Variants in LRRC9 observed in about 807,000 individuals in gnomAD.
LRRC9 encodes leucine-rich repeat-containing protein 9.
A neutral mutation model predicts 63.2 loss-of-function variants in LRRC9; 122 were observed. That is an observed-to-expected ratio of 1.93 (90% CI 1.67 to 2.24). The LOEUF is 2.24. LRRC9 is among the 30% of genes most tolerant of loss of function. The probability of loss-of-function intolerance (pLI) is 0.00; values close to 1 mark genes in which losing one functional copy is unlikely to be tolerated. For synonymous variants in LRRC9, 366 were observed against 213.1 expected, an observed-to-expected ratio of 1.72 and a Z score of -6.25; for missense variants, 1,071 against 627.7, an observed-to-expected ratio of 1.71 and a Z score of -7.55.
At chr14:60,001,749 A>T (rs561220373) in intron 19 of LRRC9, among the ~76,000 whole-genome samples, 1 of 152,282 alleles carries the variant, frequency 6.6e-6, no homozygotes, top group Non-Finnish European at 1.5e-5. Flanking sequence ...CAGTCTTATA[A>T]ATATTATCTT....
At position 59,965,401 on chromosome 14, in the gene LRRC9, G is replaced by T. The variant is rs564534429; in HGVS notation, c.1212-1188G>T. ...TTTCAGTTTAGAAATTTTATTTCTG[G>T]CTTTACTTGTTTAGGCTTCATTAGA... On this transcript the variant is annotated intron_variant, in intron 10 of 31. Coordinates refer to ENST00000445360, the Ensembl canonical transcript of LRRC9. Among the ~76,000 whole-genome samples, 27 of 152,128 alleles carry T rather than the reference G, an allele frequency of 1.8e-4. No homozygotes were observed. The South Asian group carries it at 5.4e-3, about 30-fold the overall frequency.
At chr14:59,944,458 T>C (rs187177324) in intron 7 of LRRC9, 131 bp from the exon 8 acceptor site, 9 of 407,368 alleles carry the variant, frequency 2.2e-5, no homozygotes, top group East Asian at 3.6e-5. Context: ...CCAGCTGTCA[T>C]CATTATTAGT....
intron 17 of LRRC9, among the ~76,000 whole-genome samples, chr14:59,992,710 G>A (rs1006241640): frequency 5.3e-5 from 8 of 152,152 alleles, no homozygotes; most frequent in Non-Finnish European, 1.0e-4. Flanking sequence ...GGGTACCAGT[G>A]ATGGAAAATC....
downstream of LRRC9, among the ~76,000 whole-genome samples, chr14:60,064,531 T>A (rs967521787): frequency 6.6e-6 from 1 of 152,236 alleles, no homozygotes; most frequent in African/African-American, 2.4e-5. Context: ...TTAAATGCTG[T>A]ATGTCTTTAC....
Position 59,953,838 on chromosome 14 carries a change from T to A in LRRC9, c.883-5980T>A, listed in dbSNP as rs371915929. Among the ~76,000 whole-genome samples, 22 of 152,238 alleles carry A rather than the reference T, an allele frequency of 1.4e-4. No individual in the cohort carries two copies. The East Asian group carries it at 3.7e-3, about 25-fold the overall frequency. On this transcript the variant is annotated intron_variant, in intron 8 of 31. Coordinates refer to ENST00000445360, the Ensembl canonical transcript of LRRC9. ...GATTCATCTTGAGTTACATTTTGTA[T>A]AAGGCTTAAGGAAGGGGTCCAGTTT...
At chr14:60,032,289 A>G (rs1892053510) in intron 29 of LRRC9, among the ~76,000 whole-genome samples, 1 of 151,962 alleles carries the variant, frequency 6.6e-6, no homozygotes, top group South Asian at 2.1e-4. Context: ...TCCTTGGCCT[A>G]TTTTTCTATC....
Position 60,017,633 on chromosome 14 carries a change from G to A in LRRC9, c.3318-738G>A, listed in dbSNP as rs971430103. ...TCTTGTAGCCTTTCCAAACACATCC[G>A]CTGCACTTAGGAAATACTAATGGAA... On this transcript the variant is annotated intron_variant, in intron 24 of 31. Coordinates refer to ENST00000445360, the Ensembl canonical transcript of LRRC9. The surrounding 1 kb of genome is among the most constrained non-coding windows in gnomAD (Gnocchi z 4.0). 4.6e-5 allele frequency among the ~76,000 whole-genome samples: 7 copies of A among 151,948 alleles called. No individual in the cohort carries two copies. Among genetic ancestry groups the A allele is most frequent in the Admixed American group, 2.0e-4 (3 of 15,232 alleles).
At chr14:60,055,018 C>G (rs1352429223) in intron 30 of LRRC9, among the ~76,000 whole-genome samples, 1 of 152,188 alleles carries the variant, frequency 6.6e-6, no homozygotes, top group African/African-American at 2.4e-5. Context: ...CCTTGGCCTC[C>G]CAAAGTGCTG....
intron 16 of LRRC9, among the ~76,000 whole-genome samples, chr14:59,983,090 TC>T: frequency 6.6e-6 from 1 of 152,244 alleles, no homozygotes; most frequent in Non-Finnish European, 1.5e-5. Context: ...TACCACTCTA[TC>T]CAAACTACTA....
chr14:59,944,679 C>A (rs990789384), exon 8 of LRRC9: 3 of 662,384 alleles, frequency 4.5e-6, no homozygotes, highest in East Asian at 5.7e-5. Flanking sequence ...ACTGAATGAT[C>A]AAAAATGCAA....
chr14:60,063,566 G>A, downstream of LRRC9: 1 of 441,980 alleles, frequency 2.3e-6, no homozygotes, highest in Non-Finnish European at 4.0e-6. Context: ...TTTCTTTATG[G>A]TTATCTTTAG....
chr14:60,066,691 A>G (rs1335403617), downstream of LRRC9, among the ~76,000 whole-genome samples: 1 of 152,214 alleles, frequency 6.6e-6, no homozygotes, highest in Non-Finnish European at 1.5e-5. Context: ...TAGGTCAGTA[A>G]GAAATACCAC....
intron 27 of LRRC9, among the ~76,000 whole-genome samples, chr14:60,025,509 C>A (rs1297636400): frequency 6.6e-6 from 1 of 151,862 alleles, no homozygotes; most frequent in African/African-American, 2.4e-5. Context: ...GATGCCATGG[C>A]GAGCATGGCA....
rs78775715 is a variant in LRRC9 at position 59,921,015 on chromosome 14, C to T, written c.-34+1132C>T. On this transcript the variant is annotated intron_variant, in intron 1 of 31. Coordinates refer to ENST00000445360, the Ensembl canonical transcript of LRRC9. Reference sequence around the variant, plus strand: ...GCTATACAAAGAGTATGTGCAAGCCCTAACCAGAATCACAAGAAAGAGAAT... The same window carrying T: ...GCTATACAAAGAGTATGTGCAAGCCTTAACCAGAATCACAAGAAAGAGAAT... 3.9e-3 allele frequency among the ~76,000 whole-genome samples: 596 copies of T among 152,254 alleles called. 21 individuals carry two copies. The East Asian group carries it at 0.059, about 15-fold the overall frequency.
intron 15 of LRRC9, among the ~76,000 whole-genome samples, chr14:59,979,291 A>T (rs219330): frequency 1.3e-5 from 2 of 152,022 alleles, no homozygotes. Flanking sequence ...TATGTTGCAA[A>T]TATTTTCTGT....
rs1238578199 is a variant in LRRC9, at chr14:59,932,469, A to C, written c.543+430A>C. ...TTAAACTAGTACCTTTACTTTCCTT[A>C]ACAACTCTCCAGAACTGTACACATA... On this transcript the variant is annotated intron_variant, in intron 6 of 31. Transcript: ENST00000445360. The surrounding 1 kb of genome is among the most constrained non-coding windows in gnomAD (Gnocchi z 4.7). 6.6e-6 allele frequency among the ~76,000 whole-genome samples: 1 copy of C among 152,060 alleles called. No homozygotes were observed. The highest frequency in any genetic ancestry group is 2.4e-5 in the African/African-American group (1 of 41,422).
chr14:59,931,885 A>T, intron 5 of LRRC9, 84 bp from the exon 6 acceptor site: 1 of 653,384 alleles, frequency 1.5e-6, no homozygotes, highest in Non-Finnish European at 2.7e-6. Flanking sequence ...TATGCAAGAA[A>T]CGATGGCTAC....
At chr14:59,977,112 A>C (rs1261826041) in intron 13 of LRRC9, 113 bp from the exon 14 acceptor site, 6 of 576,116 alleles carry the variant, frequency 1.0e-5, no homozygotes, top group African/African-American at 1.9e-5. Context: ...GAGAGCCAGC[A>C]TCTCTGCCTT....
chr14:59,956,739 T>G (rs1344346085), intron 8 of LRRC9, among the ~76,000 whole-genome samples: 1 of 152,216 alleles, frequency 6.6e-6, no homozygotes, highest in South Asian at 2.1e-4. Flanking sequence ...GTGTCATTGG[T>G]CTTTATATTT....
Sources: gnomAD v4.1 joint callset for allele counts (sites outside exome capture counted in the v4.1 genomes callset) on GRCh38, gnomAD v4.1.1 for gene constraint, Gnocchi (gnomAD v3.1) non-coding constraint, MANE v1.5 for transcripts, NCBI Gene and HGNC (gene_info 2026-07-23, HGNC 2026-07-21) for gene names.